DTD1: variants seen among roughly 807,000 people sequenced by gnomAD.
DTD1 encodes D-aminoacyl-tRNA deacylase 1, also known as D-tyrosyl-tRNA deacylase 1 homolog.
A neutral mutation model predicts 25.6 loss-of-function variants in DTD1; 13 were observed. The ratio of observed to expected loss-of-function variants is 0.51; its 90% CI spans 0.33 to 0.81. The LOEUF is 0.81. DTD1 is among the 30% of genes least tolerant of loss of function. The pLI is 0.02. For synonymous variants in DTD1, 110 were observed against 103.6 expected, an observed-to-expected ratio of 1.06 and a Z score of -0.37; for missense variants, 193 against 266.4, an observed-to-expected ratio of 0.72 and a Z score of 1.92.
intron 4 of DTD1, among the ~76,000 whole-genome samples, chr20:18,688,066 A>G (rs1361159277): frequency 6.6e-6 from 1 of 152,192 alleles, no homozygotes; most frequent in East Asian, 1.9e-4. Context: ...AAAACGGAAT[A>G]TCTCTTTATT....
chr20:18,727,227 G>T (rs1325821501), intron 4 of DTD1, among the ~76,000 whole-genome samples: 1 of 152,210 alleles, frequency 6.6e-6, no homozygotes, highest in Non-Finnish European at 1.5e-5. Flanking sequence ...CGGCTCCCGG[G>T]GGTGAGGTGT....
rs563215409 is a variant in DTD1, at chr20:18,766,215, G to A, written c.*2875G>A. The A allele has an allele frequency of 1.3e-5, 2 of 152,238 alleles. No individual in the cohort carries two copies. The highest frequency in any genetic ancestry group is 2.1e-4 in the South Asian group (1 of 4,816). The allele number at this position is 152,238 out of a possible 1,614,324, so 9.4% of individuals were successfully genotyped here. Reference sequence around the variant, plus strand: ...TTGATCATAAGGAACAAATAGTTCCGCAAACACCCTATTTCCTTTGATATG... The same window carrying A: ...TTGATCATAAGGAACAAATAGTTCCACAAACACCCTATTTCCTTTGATATG... On this transcript the variant is annotated 3_prime_UTR_variant, in exon 6 of 6. Coordinates refer to ENST00000377452, the MANE Select transcript of DTD1 (RefSeq NM_080820.6).
At chr20:18,761,741 A>C (rs1413401384) in intron 5 of DTD1, among the ~76,000 whole-genome samples, 1 of 152,240 alleles carries the variant, frequency 6.6e-6, no homozygotes, top group African/African-American at 2.4e-5. Flanking sequence ...CTCAAAGGTC[A>C]ATGTGGGGAA....
At chr20:18,716,453 G>A (rs963912662) in intron 4 of DTD1, among the ~76,000 whole-genome samples, 3 of 152,236 alleles carry the variant, frequency 2.0e-5, no homozygotes, top group Non-Finnish European at 4.4e-5. Flanking sequence ...CCCGCAGGTG[G>A]CTGCCGGGTC....
chr20:18,597,154 A>AGTGTGT lies in DTD1; in HGVS notation c.370+954_370+959dup, dbSNP rs4052788. 3.6e-3 allele frequency among the ~76,000 whole-genome samples: 518 copies of AGTGTGT among 143,550 alleles called. 1 individual carries two copies. Among genetic ancestry groups the AGTGTGT allele is most frequent in the African/African-American group, 7.6e-3 (290 of 38,400 alleles). The allele number at this position is 143,550 out of a possible 152,430, so 94.2% of individuals were successfully genotyped here. A position where few individuals can be genotyped will look rare whatever the true frequency, so the allele number is the denominator to read the frequency against. On this transcript the variant is annotated intron_variant, in intron 3 of 5. Coordinates refer to ENST00000377452, the MANE Select transcript of DTD1 (RefSeq NM_080820.6). ...CTCTCTCTTTTAGTAGATGAGAGAA[A>AGTGTGT]GTGTGTGTGTGTGTGTGTGTGTGTG...
At chr20:18,740,597 A>C (rs1433057007) in intron 4 of DTD1, among the ~76,000 whole-genome samples, 1 of 152,202 alleles carries the variant, frequency 6.6e-6, no homozygotes. Flanking sequence ...ATGAATCAGG[A>C]ATATAGAAAA....
chr20:18,709,532 A>G (rs1464318807), intron 4 of DTD1, among the ~76,000 whole-genome samples: 1 of 152,244 alleles, frequency 6.6e-6, no homozygotes, highest in African/African-American at 2.4e-5. Flanking sequence ...GAGACTGGCA[A>G]GTTCTGTCCA....
rs1278361214 is a variant in DTD1, at chr20:18,744,187, C to G, written c.565C>G (p.Arg189Gly). The change falls in exon 5 of 6, where the codon CGA (arginine) becomes GGA (glycine). Residue 189 changes from arginine (R) to glycine (G), a missense_variant. Transcript: ENST00000377452. ...SESSKERNTPRKEDRSASSGA... is the reference protein window; with the variant it reads ...SESSKERNTPGKEDRSASSGA... The stretch of plus-strand genomic sequence containing the variant: ...ATCAAGCAAGGAAAGAAACACTCCC[C>G]GAAAAGAAGACCGCAGTGCCAGCAG... 2 of 1,612,276 alleles carry G rather than the reference C, an allele frequency of 1.2e-6. No individual in the cohort carries two copies. The highest frequency in any genetic ancestry group is 1.7e-6 in the Non-Finnish European group (2 of 1,180,016).
chr20:18,631,097 C>T (rs555805023), intron 4 of DTD1: 2 of 985,476 alleles, frequency 2.0e-6, no homozygotes, highest in African/African-American at 1.7e-5. Context: ...ACAGCTCTCT[C>T]TCAGCTTTGC....
chr20:18,683,923 G>GT (rs1033719697), intron 4 of DTD1, among the ~76,000 whole-genome samples: 49 of 152,202 alleles, frequency 3.2e-4, no homozygotes, highest in African/African-American at 8.9e-4. Flanking sequence ...TGTAACTATG[G>GT]TTTTTTTCCC....
At chr20:18,760,172 G>T (rs1046440378) in intron 5 of DTD1, among the ~76,000 whole-genome samples, 2 of 152,102 alleles carry the variant, frequency 1.3e-5, no homozygotes, top group Non-Finnish European at 1.5e-5. Flanking sequence ...TCTTTGCCAT[G>T]GGTTCGAACT....
chr20:18,620,294 A>G (rs949803117), intron 3 of DTD1, among the ~76,000 whole-genome samples: 2 of 152,252 alleles, frequency 1.3e-5, no homozygotes, highest in Non-Finnish European at 2.9e-5. Context: ...TATTGGACAC[A>G]TTAAGTTTGG....
chr20:18,609,231 C>T (rs545958342), intron 3 of DTD1, among the ~76,000 whole-genome samples: 22 of 152,232 alleles, frequency 1.4e-4, no homozygotes, highest in African/African-American at 5.3e-4. Flanking sequence ...CAACCTCCAC[C>T]TCCTGGGCTC....
chr20:18,729,961 C>T lies in DTD1; in HGVS notation c.478-14139C>T, dbSNP rs530690890. ...TTGTATTTGAGCCCCTCCTCCAGTG[C>T]TGTCCTTTTGCTTGTGTCTTTTCTT... On this transcript the variant is annotated intron_variant, in intron 4 of 5. Transcript: ENST00000377452. Among the ~76,000 whole-genome samples the T allele has an allele frequency of 9.2e-5, 14 of 152,198 alleles. No individual in the cohort carries two copies. In the South Asian group the frequency reaches 2.9e-3, roughly 32 times the overall value.
At chr20:18,755,075 TCTCA>T (rs1458934087) in intron 5 of DTD1, among the ~76,000 whole-genome samples, 1 of 152,198 alleles carries the variant, frequency 6.6e-6, no homozygotes, top group East Asian at 1.9e-4. Context: ...GGCCAAAACC[TCTCA>T]GGATCCCTTC....
At chr20:18,743,832 G>A (rs1024850905) in intron 4 of DTD1, among the ~76,000 whole-genome samples, 2 of 152,152 alleles carry the variant, frequency 1.3e-5, no homozygotes, top group African/African-American at 4.8e-5. Flanking sequence ...TGGCATGACC[G>A]CTCCCTCATA....
chr20:18,678,901 G>A (rs1289812818), intron 4 of DTD1: 1 of 152,172 alleles, frequency 6.6e-6, no homozygotes, highest in African/African-American at 2.4e-5. Context: ...GCCGGACACA[G>A]GCCTTCTCCT....
chr20:18,725,837 G>A (rs911012), intron 4 of DTD1, among the ~76,000 whole-genome samples: 12,299 of 152,172 alleles, frequency 0.081, 684 homozygotes, highest in East Asian at 0.27. Flanking sequence ...AAAACCTCCC[G>A]ATATCATCAG....
chr20:18,678,438 C>G (rs1397134477), intron 4 of DTD1, among the ~76,000 whole-genome samples: 5 of 152,210 alleles, frequency 3.3e-5, no homozygotes, highest in Non-Finnish European at 5.9e-5. Flanking sequence ...ACTTTAACCC[C>G]ACATCTCACT....
Sources: allele counts gnomAD v4.1 joint callset (sites outside exome capture counted in the v4.1 genomes callset), GRCh38; gene constraint gnomAD v4.1.1; transcripts MANE v1.5; gene names NCBI Gene and HGNC (gene_info 2026-07-23, HGNC 2026-07-21).